GLIS3: variants seen among roughly 807,000 people sequenced by gnomAD.
GLIS3 encodes zinc finger protein GLIS3.
In GLIS3, 53 loss-of-function variants were observed where a neutral mutation model predicts 78.6. The observed-to-expected ratio is 0.67, with a 90% CI of 0.54 to 0.85. The LOEUF (loss-of-function observed/expected upper bound fraction) is 0.85, where lower values mean the gene tolerates loss of function less well. Ranked by LOEUF, GLIS3 falls within the 40% of genes least tolerant of loss-of-function variation. The pLI is 0.00. For missense variants in GLIS3, 1,703 were observed against 1,231.1 expected, an observed-to-expected ratio of 1.38 and a Z score of -5.74; for synonymous variants, 684 against 509.9, an observed-to-expected ratio of 1.34 and a Z score of -4.60.
intron 4 of GLIS3, among the ~76,000 whole-genome samples, chr9:4,067,445 T>A (rs958693249): frequency 6.6e-6 from 1 of 151,630 alleles, no homozygotes; most frequent in Admixed American, 6.6e-5. Flanking sequence ...TTTATAGGAG[T>A]GAACAAGGAG....
intron 4 of GLIS3, among the ~76,000 whole-genome samples, chr9:3,980,540 TG>T (rs1819177282): frequency 6.6e-6 from 1 of 152,236 alleles, no homozygotes; most frequent in African/African-American, 2.4e-5. Context: ...ATGACCTTGC[TG>T]TGTGTTTAGA....
intron 4 of GLIS3, among the ~76,000 whole-genome samples, chr9:4,060,962 T>C (rs1481820140): frequency 1.3e-5 from 2 of 152,228 alleles, no homozygotes; most frequent in African/African-American, 4.8e-5. Flanking sequence ...GCCTGCCTGC[T>C]AGTTCCTACT....
At chr9:4,385,742 AAAGAAAG>A in the GLIS3 span, among the ~76,000 whole-genome samples, 1 of 28,198 alleles carries the variant, frequency 3.5e-5, no homozygotes. Flanking sequence ...AAAGAAAAAG[AAAGAAAG>A]AAAGAAAGAA....
chr9:4,182,431 A>T (rs191145053), intron 2 of GLIS3, among the ~76,000 whole-genome samples: 3 of 152,210 alleles, frequency 2.0e-5, no homozygotes, highest in Non-Finnish European at 4.4e-5. Context: ...TAAATTATGG[A>T]ACACTATGTA....
rs571369172 is a variant in GLIS3, at chr9:3,856,696, A to G, written c.2298-512T>C. Among the ~76,000 whole-genome samples, 61 of 152,304 alleles carry G rather than the reference A, an allele frequency of 4.0e-4. 2 individuals are homozygous for G. In the South Asian group the frequency reaches 0.012, roughly 31 times the overall value. ...TAATCCTATTCTCTTTGAACAATGCATTTGCTTTTGCCAAGAATGAATTAA... is the reference window on the plus strand; with the variant it reads ...TAATCCTATTCTCTTTGAACAATGCGTTTGCTTTTGCCAAGAATGAATTAA... On this transcript the variant is annotated intron_variant, in intron 8 of 10. Transcript: ENST00000381971.
the GLIS3 span, among the ~76,000 whole-genome samples, chr9:4,391,051 C>T: frequency 6.6e-6 from 1 of 152,170 alleles, no homozygotes; most frequent in Non-Finnish European, 1.5e-5. Flanking sequence ...GGATGTCATT[C>T]CTCTCCATCT....
chr9:4,464,083 CA>C, the GLIS3 span, among the ~76,000 whole-genome samples: 4 of 152,092 alleles, frequency 2.6e-5, no homozygotes, highest in African/African-American at 7.2e-5. Context: ...AATCATTGAA[CA>C]AAGTAGAATC....
At chr9:4,027,781 C>G (rs943612776) in intron 4 of GLIS3, among the ~76,000 whole-genome samples, 1 of 152,198 alleles carries the variant, frequency 6.6e-6, no homozygotes, top group African/African-American at 2.4e-5. Context: ...TCCAGGCAGA[C>G]GAGGCATTCA....
intron 4 of GLIS3, among the ~76,000 whole-genome samples, chr9:4,059,421 G>A (rs1826435323): frequency 6.6e-6 from 1 of 152,202 alleles, no homozygotes; most frequent in African/African-American, 2.4e-5. Context: ...CTGCCAGAGT[G>A]CCATGATGGG....
At position 3,842,600 on chromosome 9, in the gene GLIS3, C is replaced by A. The variant is rs529259094; in HGVS notation, c.2474-13108G>T. Among the ~76,000 whole-genome samples the A allele has an allele frequency of 6.8e-4, 104 of 152,306 alleles. 1 individual carries two copies. The South Asian group carries it at 0.015, about 22-fold the overall frequency. ...CACGGTGAGAGGGCATTGAGCCCTA[C>A]ACTTGGTGTCTAGGCCAATGATTCT... On this transcript the variant is annotated intron_variant, in intron 9 of 10. Coordinates refer to ENST00000381971, the MANE Select transcript of GLIS3 (RefSeq NM_001042413.2).
chr9:4,448,265 G>A, the GLIS3 span, among the ~76,000 whole-genome samples: 21 of 152,152 alleles, frequency 1.4e-4, no homozygotes, highest in Admixed American at 7.9e-4. Context: ...ATTTCATCTC[G>A]TGTTTTCCTA....
At chr9:3,944,056 C>A (rs180794185) in intron 4 of GLIS3, among the ~76,000 whole-genome samples, 10 of 152,222 alleles carry the variant, frequency 6.6e-5, no homozygotes, top group Non-Finnish European at 1.0e-4. Context: ...ATGGACAGTA[C>A]ATACACGTTT....
intron 2 of GLIS3, among the ~76,000 whole-genome samples, chr9:4,240,955 GT>G (rs1823250144): frequency 0.015 from 1 of 66 alleles, no homozygotes; most frequent in Non-Finnish European, 0.023. Flanking sequence ...ATATGTATGA[GT>G]GTGTGTGTGT....
At chr9:4,226,102 G>T (rs1265686916) in intron 2 of GLIS3, among the ~76,000 whole-genome samples, 1 of 152,070 alleles carries the variant, frequency 6.6e-6, no homozygotes, top group Admixed American at 6.6e-5. Flanking sequence ...TCAAACATAC[G>T]CTGGTTTAAA....
intron 2 of GLIS3, among the ~76,000 whole-genome samples, chr9:4,198,793 A>T (rs936054469): frequency 6.6e-6 from 1 of 152,200 alleles, no homozygotes; most frequent in Non-Finnish European, 1.5e-5. Context: ...TACAGAAAAA[A>T]TCTTGAAGAC....
chr9:4,329,787 CG>C (rs1413874893), intron 2 of GLIS3, among the ~76,000 whole-genome samples: 1 of 152,106 alleles, frequency 6.6e-6, no homozygotes, highest in East Asian at 1.9e-4. Flanking sequence ...ATCTTTACAA[CG>C]TATTAATACT....
At chr9:4,485,534 A>G in the GLIS3 span, among the ~76,000 whole-genome samples, 11 of 152,180 alleles carry the variant, frequency 7.2e-5, no homozygotes, top group East Asian at 1.7e-3. Context: ...CCAGCCTCCA[A>G]ATTTCCAGGG....
At chr9:3,919,577 C>G (rs1222388074) in intron 6 of GLIS3, among the ~76,000 whole-genome samples, 1 of 151,438 alleles carries the variant, frequency 6.6e-6, no homozygotes, top group Non-Finnish European at 1.5e-5. Flanking sequence ...ACAACAAACC[C>G]TCATGACACA....
At chr9:4,256,230 T>G (rs1279120675) in intron 2 of GLIS3, among the ~76,000 whole-genome samples, 2 of 152,096 alleles carry the variant, frequency 1.3e-5, no homozygotes, top group African/African-American at 4.8e-5. Flanking sequence ...TAATTCTAAT[T>G]TGGGGGAACA....
Sources: gnomAD v4.1 joint callset for allele counts (sites outside exome capture counted in the v4.1 genomes callset) on GRCh38, gnomAD v4.1.1 for gene constraint, MANE v1.5 for transcripts, NCBI Gene and HGNC (gene_info 2026-07-23, HGNC 2026-07-21) for gene names.